Variants in ANKRD13C observed in about 807,000 individuals in gnomAD.
ANKRD13C encodes ankyrin repeat domain-containing protein 13C.
Under a neutral mutation model 65.5 loss-of-function variants are expected in ANKRD13C, and 16 were observed. That is an observed-to-expected ratio of 0.24 (90% CI 0.17 to 0.37). The LOEUF is 0.37. ANKRD13C is among the 10% of genes least tolerant of loss of function. The probability of loss-of-function intolerance (pLI) is 1.00; values close to 1 mark genes in which losing one functional copy is unlikely to be tolerated. For synonymous variants in ANKRD13C, 235 were observed against 238.7 expected (o/e 0.98, Z 0.14); for missense variants, 503 against 655.9 (o/e 0.77, Z 2.55).
At chr1:70,320,603 G>C (rs140849613) in intron 3 of ANKRD13C, among the ~76,000 whole-genome samples, 421 of 152,098 alleles carry the variant, frequency 2.8e-3, no homozygotes, top group African/African-American at 9.5e-3. Context: ...CCAAAGTGCT[G>C]GGATTATAGG....
At chr1:70,289,111 TCA>T (rs1679746923) in intron 9 of ANKRD13C, among the ~76,000 whole-genome samples, 1 of 152,244 alleles carries the variant, frequency 6.6e-6, no homozygotes, top group Non-Finnish European at 1.5e-5. Flanking sequence ...ACTATAAAGT[TCA>T]AAATCCTATG....
chr1:70,264,037 T>G, intron 12 of ANKRD13C, among the ~76,000 whole-genome samples: 1 of 152,204 alleles, frequency 6.6e-6, no homozygotes, highest in East Asian at 1.9e-4. Context: ...ATTATTCCTT[T>G]GTACCTACTA....
rs115823620 is a variant in ANKRD13C at position 70,353,239 on chromosome 1, A to C, written c.430+740T>G. 7.5e-3 allele frequency among the ~76,000 whole-genome samples: 1,140 copies of C among 152,344 alleles called. 14 individuals are homozygous for C. Among genetic ancestry groups the C allele is most frequent in the African/African-American group, 0.026 (1,082 of 41,576 alleles). On this transcript the variant is annotated intron_variant, in intron 1 of 12. Coordinates refer to ENST00000370944, the MANE Select transcript of ANKRD13C (RefSeq NM_030816.5). The stretch of plus-strand genomic sequence containing the variant: ...GAATTAAACAAAAAATTCAGCTGAC[A>C]AGGCAAAAAGAAATGGTCAATATTG...
At chr1:70,333,435 CTAAAG>C (rs1681892987) in intron 2 of ANKRD13C, among the ~76,000 whole-genome samples, 1 of 152,190 alleles carries the variant, frequency 6.6e-6, no homozygotes, top group African/African-American at 2.4e-5. Context: ...CACATTCCTG[CTAAAG>C]TAAACATACT....
At chr1:70,280,353 G>A (rs1374501281) in intron 9 of ANKRD13C, among the ~76,000 whole-genome samples, 1 of 152,160 alleles carries the variant, frequency 6.6e-6, no homozygotes, top group Non-Finnish European at 1.5e-5. Context: ...ACTGGTTGAA[G>A]GAACTGGGGA....
intron 3 of ANKRD13C, among the ~76,000 whole-genome samples, chr1:70,324,363 A>G (rs1681443853): frequency 6.6e-6 from 1 of 152,246 alleles, no homozygotes; most frequent in African/African-American, 2.4e-5. Flanking sequence ...CATTCAGCAT[A>G]TTATCAAAAA....
chr1:70,309,464 A>G (rs950535672), intron 5 of ANKRD13C, among the ~76,000 whole-genome samples: 2 of 147,978 alleles, frequency 1.4e-5, no homozygotes, highest in African/African-American at 4.9e-5. Flanking sequence ...CAAGCCTGTA[A>G]TCCCAGCACT....
At chr1:70,334,068 A>AGATGTGTAG (rs1681916840) in intron 2 of ANKRD13C, among the ~76,000 whole-genome samples, 1 of 152,246 alleles carries the variant, frequency 6.6e-6, no homozygotes, top group Admixed American at 6.5e-5. Flanking sequence ...TCACATCTGT[A>AGATGTGTAG]ATCCCAGTGT....
intron 4 of ANKRD13C, among the ~76,000 whole-genome samples, 164 bp downstream of exon 4, chr1:70,315,317 C>T (rs1340615768): frequency 6.6e-6 from 1 of 151,920 alleles, no homozygotes; most frequent in Non-Finnish European, 1.5e-5. Flanking sequence ...GGTGCTTCTA[C>T]TAAGATCACA....
At position 70,333,066 on chromosome 1, in the gene ANKRD13C, G is replaced by A. The variant is rs573678920; in HGVS notation, c.472+2992C>T. Among the ~76,000 whole-genome samples, 6 of 152,134 alleles carry A rather than the reference G, an allele frequency of 3.9e-5. No homozygotes were observed. The South Asian group carries it at 1.2e-3, about 32-fold the overall frequency. ...CTGAATGGTTCTCAGTGAAAAAGAG[G>A]GCAAAGCAATACACCATTAAAATAG... On this transcript the variant is annotated intron_variant, in intron 2 of 12. Coordinates refer to ENST00000370944, the MANE Select transcript of ANKRD13C (RefSeq NM_030816.5).
intron 2 of ANKRD13C, among the ~76,000 whole-genome samples, chr1:70,331,981 T>C (rs1333184651): frequency 6.6e-6 from 1 of 151,864 alleles, no homozygotes; most frequent in Non-Finnish European, 1.5e-5. Context: ...TACAAACACA[T>C]ACATAAAGAT....
rs59618915 is a variant in ANKRD13C, at chr1:70,326,231, C to CAAAAAA, written c.473-1280_473-1275dup. ...GGGCAACAAGAGCCAAACTCTGTCTCAAAAAAAAAAAAAAAAAAAAAAAAA... is the reference window on the plus strand; with the variant it reads ...GGGCAACAAGAGCCAAACTCTGTCTCAAAAAAAAAAAAAAAAAAAAAAAAAAAAAAA... On this transcript the variant is annotated intron_variant, in intron 2 of 12. Coordinates refer to ENST00000370944, the MANE Select transcript of ANKRD13C (RefSeq NM_030816.5). Among the ~76,000 whole-genome samples the CAAAAAA allele has an allele frequency of 1.6e-3, 50 of 31,096 alleles. 3 individuals are homozygous for CAAAAAA. Among genetic ancestry groups the CAAAAAA allele is most frequent in the East Asian group, 4.6e-3 (4 of 876 alleles). 20.4% of individuals were successfully genotyped at this position (31,096 alleles called of 152,430 possible). A position where few individuals can be genotyped will look rare whatever the true frequency, so the allele number is the denominator to read the frequency against.
At chr1:70,292,296 G>T in intron 9 of ANKRD13C, 92 bp downstream of exon 9, 1 of 894,560 alleles carries the variant, frequency 1.1e-6, no homozygotes, top group Non-Finnish European at 1.6e-6. Context: ...AAAGCTGTGA[G>T]TACATTTATA....
chr1:70,342,139 T>C (rs1203445700), intron 1 of ANKRD13C, among the ~76,000 whole-genome samples: 1 of 151,464 alleles, frequency 6.6e-6, no homozygotes, highest in East Asian at 1.9e-4. Context: ...TAACTCCATT[T>C]TGGACAAGTT....
chr1:70,296,640 T>A (rs1202697591), intron 7 of ANKRD13C, among the ~76,000 whole-genome samples: 1 of 152,174 alleles, frequency 6.6e-6, no homozygotes, highest in Non-Finnish European at 1.5e-5. Context: ...AAAACCCAGA[T>A]AAAGGATATT....
rs1052431981 is a variant in ANKRD13C at position 70,353,864 on chromosome 1, G to A, written c.430+115C>T. The A allele has an allele frequency of 5.2e-6, 7 of 1,349,072 alleles. No individual in the cohort carries two copies. The Admixed American group carries it at 9.4e-5, about 18-fold the overall frequency. 83.6% of individuals were successfully genotyped at this position (1,349,072 alleles called of 1,614,324 possible). Reference sequence around the variant, plus strand: ...TCGATCATGATTTACCGAACGGCCCGGATGATGGGCAAAAAGAAGAGTCTG... The same window carrying A: ...TCGATCATGATTTACCGAACGGCCCAGATGATGGGCAAAAAGAAGAGTCTG... On this transcript the variant is annotated intron_variant, in intron 1 of 12. Transcript: ENST00000370944.
At chr1:70,291,193 G>T (rs1679852508) in intron 9 of ANKRD13C, among the ~76,000 whole-genome samples, 2 of 152,090 alleles carry the variant, frequency 1.3e-5, no homozygotes, top group South Asian at 4.2e-4. Flanking sequence ...ACCATGCCCA[G>T]CTAATTTTGT....
Position 70,298,284 on chromosome 1 carries a change from T to C in ANKRD13C, c.922-2023A>G, listed in dbSNP as rs547386076. Among the ~76,000 whole-genome samples the C allele has an allele frequency of 2.2e-4, 33 of 152,320 alleles. No homozygotes were observed. In the South Asian group the frequency reaches 5.6e-3, roughly 26 times the overall value. On this transcript the variant is annotated intron_variant, in intron 7 of 12. Coordinates refer to ENST00000370944, the MANE Select transcript of ANKRD13C (RefSeq NM_030816.5). ...ATAAACTTTTGGAACAGAATTCTTA[T>C]ATAAATCAGAGACTATCTCTTAACC...
intron 11 of ANKRD13C, among the ~76,000 whole-genome samples, chr1:70,274,141 T>C (rs756736096): frequency 6.6e-6 from 1 of 152,102 alleles, no homozygotes; most frequent in Non-Finnish European, 1.5e-5. Flanking sequence ...TGGATTTTTT[T>C]AAAACAAGCA....
Sources: gnomAD v4.1 joint callset for allele counts (sites outside exome capture counted in the v4.1 genomes callset) on GRCh38, gnomAD v4.1.1 for gene constraint, MANE v1.5 for transcripts, NCBI Gene and HGNC (gene_info 2026-07-23, HGNC 2026-07-21) for gene names.